The following PPP1R12B variants were observed in gnomAD, a reference collection of about 807,000 sequenced individuals.
PPP1R12B encodes the protein myosin phosphatase target subunit 2.
PPP1R12B carries 76 observed loss-of-function variants against 126.1 expected under a neutral mutation model. The ratio of observed to expected loss-of-function variants is 0.60; its 90% CI spans 0.50 to 0.73. PPP1R12B has a LOEUF of 0.73. PPP1R12B is among the 30% of genes least tolerant of loss of function. The pLI is 0.00. For missense variants in PPP1R12B, 1,052 were observed against 1,205.1 expected (o/e 0.87, Z 1.88); for synonymous variants, 356 against 434.7 (o/e 0.82, Z 2.25).
At chr1:202,495,826 C>G (rs1163915335) in intron 17 of PPP1R12B, 144 bp downstream of exon 17, 6 of 717,358 alleles carry the variant, frequency 8.4e-6, no homozygotes, top group Non-Finnish European at 1.4e-5. Flanking sequence ...AGAAGAAAGA[C>G]CTAACTAGTG....
intron 13 of PPP1R12B, among the ~76,000 whole-genome samples, chr1:202,467,860 T>C (rs888727160): frequency 5.3e-4 from 80 of 152,220 alleles, no homozygotes; most frequent in Non-Finnish European, 1.0e-3. Flanking sequence ...AGTGTTCCTA[T>C]TTCTCCACAT....
chr1:202,557,734 G>A (rs1333941012), intron 18 of PPP1R12B, among the ~76,000 whole-genome samples: 2 of 152,214 alleles, frequency 1.3e-5, no homozygotes, highest in Non-Finnish European at 2.9e-5. Context: ...TGTACATTTT[G>A]CAAAAGTGTG....
At chr1:202,568,360 A>G (rs1249683044) in intron 22 of PPP1R12B, among the ~76,000 whole-genome samples, 2 of 152,192 alleles carry the variant, frequency 1.3e-5, no homozygotes, top group East Asian at 3.8e-4. Flanking sequence ...TCTCCTCCCA[A>G]CTGTACTCAG....
intron 13 of PPP1R12B, among the ~76,000 whole-genome samples, chr1:202,482,734 C>G (rs951629721): frequency 6.6e-6 from 1 of 152,150 alleles, no homozygotes; most frequent in African/African-American, 2.4e-5. Context: ...TATGCAAAAG[C>G]TTTTTAGTTT....
At chr1:202,471,575 GTTTTTT>G (rs71142533) in intron 13 of PPP1R12B, among the ~76,000 whole-genome samples, 1 of 113,686 alleles carries the variant, frequency 8.8e-6, no homozygotes, top group Non-Finnish European at 1.8e-5. Context: ...GACTTAAAAT[GTTTTTT>G]TTTTTTTTTT....
chr1:202,567,525 A>C (rs1688171624), intron 21 of PPP1R12B: 1 of 483,054 alleles, frequency 2.1e-6, no homozygotes, highest in East Asian at 3.3e-5. Flanking sequence ...GTTGTAAGTA[A>C]TTTCTTTGTA....
intron 18 of PPP1R12B, among the ~76,000 whole-genome samples, chr1:202,526,690 A>G (rs1683383838): frequency 6.6e-6 from 1 of 152,226 alleles, no homozygotes; most frequent in Non-Finnish European, 1.5e-5. Flanking sequence ...ATAGTTCAGG[A>G]TCACCCTAGT....
intron 18 of PPP1R12B, among the ~76,000 whole-genome samples, chr1:202,518,856 C>G (rs1183438592): frequency 6.6e-6 from 1 of 152,178 alleles, no homozygotes; most frequent in Non-Finnish European, 1.5e-5. Context: ...CTTTATCCCT[C>G]TCTTTTGACT....
At chr1:202,560,261 G>A (rs1687379988) in intron 19 of PPP1R12B, among the ~76,000 whole-genome samples, 4 of 152,140 alleles carry the variant, frequency 2.6e-5, no homozygotes, top group Admixed American at 2.6e-4. Context: ...TACCGGAAAG[G>A]GGTCCTGATT....
intron 18 of PPP1R12B, among the ~76,000 whole-genome samples, chr1:202,503,570 C>T (rs1188352318): frequency 2.6e-5 from 4 of 152,010 alleles, no homozygotes; most frequent in Admixed American, 6.6e-5. Context: ...AATGTGACCA[C>T]GAAGAGAATG....
chr1:202,372,798 AAAAT>A (rs1386079828), intron 1 of PPP1R12B, among the ~76,000 whole-genome samples: 1 of 152,168 alleles, frequency 6.6e-6, no homozygotes, highest in Non-Finnish European at 1.5e-5. Flanking sequence ...AAAAAAGTAA[AAAAT>A]AAAAGAAAAA....
intron 1 of PPP1R12B, among the ~76,000 whole-genome samples, chr1:202,408,463 G>GCC (rs1212863246): frequency 2.0e-5 from 3 of 152,130 alleles, no homozygotes; most frequent in African/African-American, 7.2e-5. Context: ...TTACAGCTGT[G>GCC]ATTTTCAGTT....
intron 18 of PPP1R12B, among the ~76,000 whole-genome samples, chr1:202,504,847 A>G (rs1680642650): frequency 6.6e-6 from 1 of 152,204 alleles, no homozygotes; most frequent in Non-Finnish European, 1.5e-5. Context: ...TAAAGTAGGG[A>G]TAATAATAGT....
At position 202,584,251 on chromosome 1, in the gene PPP1R12B, C is replaced by G. The variant is rs1440137885; in HGVS notation, c.*3691C>G. 1 of 152,196 alleles carries G rather than the reference C, an allele frequency of 6.6e-6. No individual in the cohort carries two copies. Among genetic ancestry groups the G allele is most frequent in the East Asian group, 1.9e-4 (1 of 5,198 alleles). 9.4% of individuals were successfully genotyped at this position (152,196 alleles called of 1,614,324 possible). A position where few individuals can be genotyped will look rare whatever the true frequency, so the allele number is the denominator to read the frequency against. ...TTCTGGGCTTCCCCTGGTTTCTGTCCTAGTTCCCACCCCAAGTTTAAGAAG... is the reference window on the plus strand; with the variant it reads ...TTCTGGGCTTCCCCTGGTTTCTGTCGTAGTTCCCACCCCAAGTTTAAGAAG... On this transcript the variant is annotated 3_prime_UTR_variant, in exon 24 of 24. Transcript: ENST00000608999.
intron 13 of PPP1R12B, among the ~76,000 whole-genome samples, chr1:202,465,262 T>C (rs1433217478): frequency 6.6e-6 from 1 of 152,202 alleles, no homozygotes; most frequent in Non-Finnish European, 1.5e-5. Flanking sequence ...CTTGCTCTTC[T>C]ACACCTCCAA....
At chr1:202,503,835 A>G (rs1680509637) in intron 18 of PPP1R12B, among the ~76,000 whole-genome samples, 1 of 151,752 alleles carries the variant, frequency 6.6e-6, no homozygotes, top group South Asian at 2.1e-4. Flanking sequence ...GTCTGTTTAT[A>G]AATGGACCAT....
At chr1:202,537,065 T>G (rs1217929024) in intron 18 of PPP1R12B, among the ~76,000 whole-genome samples, 1 of 152,178 alleles carries the variant, frequency 6.6e-6, no homozygotes, top group South Asian at 2.1e-4. Flanking sequence ...AATACCAGGT[T>G]AGGCCGGGCA....
At chr1:202,445,070 C>T in intron 12 of PPP1R12B, 1 of 1,247,286 alleles carries the variant, frequency 8.0e-7, no homozygotes, top group Non-Finnish European at 1.0e-6. Flanking sequence ...GAAGTAGTGA[C>T]CCCACAAGTC....
At chr1:202,484,332 T>C (rs1677795234) in intron 13 of PPP1R12B, among the ~76,000 whole-genome samples, 2 of 152,238 alleles carry the variant, frequency 1.3e-5, no homozygotes, top group Admixed American at 6.5e-5. Flanking sequence ...AAAAGTCTTA[T>C]AATAGAATGT....
Sources: allele counts gnomAD v4.1 joint callset (sites outside exome capture counted in the v4.1 genomes callset), GRCh38; gene constraint gnomAD v4.1.1; transcripts MANE v1.5; gene names NCBI Gene and HGNC (gene_info 2026-07-23, HGNC 2026-07-21).